Variants in FGR observed in about 807,000 individuals in gnomAD.
FGR encodes the protein tyrosine-protein kinase Fgr.
Under a neutral mutation model 63.2 loss-of-function variants are expected in FGR, and 26 were observed. The ratio of observed to expected loss-of-function variants is 0.41; its 90% CI spans 0.30 to 0.57. FGR has a LOEUF of 0.57. Ranked by LOEUF, FGR falls within the 20% of genes least tolerant of loss-of-function variation. The pLI is 0.27. For synonymous variants in FGR, 286 were observed against 277.7 expected (o/e 1.03, Z -0.30); for missense variants, 511 against 690.8 (o/e 0.74, Z 2.92).
At chr1:27,619,035 C>T (rs1033840533) in intron 5 of FGR, among the ~76,000 whole-genome samples, 2 of 152,202 alleles carry the variant, frequency 1.3e-5, no homozygotes, top group Admixed American at 6.5e-5. Flanking sequence ...TCCGCTCTCT[C>T]GGTTGTTCTG....
chr1:27,615,380 A>G lies in FGR; in HGVS notation c.1018+54T>C. ...CGCGTCCCAGGTCCCACGCCTGAAA[A>G]CTCCCCTCTTAACTTCACCCCGAAT... is the stretch of plus-strand genomic sequence containing the variant. On this transcript the variant is annotated intron_variant, in intron 9 of 12. Coordinates refer to ENST00000374005, the MANE Select transcript of FGR (RefSeq NM_005248.3). This position sits in a 1 kb window ranked among gnomAD's most constrained non-coding sequence, Gnocchi z 7.6. 1 of 1,548,786 alleles carries G rather than the reference A, an allele frequency of 6.5e-7. No homozygotes were observed. Among genetic ancestry groups the G allele is most frequent in the Admixed American group, 1.7e-5 (1 of 57,368 alleles).
intron 5 of FGR, among the ~76,000 whole-genome samples, chr1:27,618,131 A>G (rs2089848714): frequency 6.6e-6 from 1 of 152,156 alleles, no homozygotes; most frequent in South Asian, 2.1e-4. Context: ...GCCCCTGGGT[A>G]CTAGGCACAG....
chr1:27,614,757 G>A (rs953176545), intron 10 of FGR, 93 bp downstream of exon 10: 9 of 1,373,762 alleles, frequency 6.6e-6, no homozygotes, highest in Admixed American at 6.0e-5. Context: ...TGCAGGGGGC[G>A]GGGCCGCCCT....
At chr1:27,613,694 C>CAAAAAAA (rs56363244) in intron 11 of FGR, among the ~76,000 whole-genome samples, 2 of 74,238 alleles carry the variant, frequency 2.7e-5, no homozygotes, top group Non-Finnish European at 2.5e-5. Flanking sequence ...GACTCCATCT[C>CAAAAAAA]AAAAAAAAAA....
rs2090162062 is a variant in FGR at position 27,635,173 on chromosome 1, C to G, written c.-185G>C. ...GTGCTGCCCGCCTCTGACCGCCGCCCCTGCTGGGCAGGGAGGAGGAAGCCG... is the reference window on the plus strand; with the variant it reads ...GTGCTGCCCGCCTCTGACCGCCGCCGCTGCTGGGCAGGGAGGAGGAAGCCG... On this transcript the variant is annotated 5_prime_UTR_variant, in exon 1 of 13. Coordinates refer to ENST00000374005, the MANE Select transcript of FGR (RefSeq NM_005248.3). 6.6e-6 allele frequency: 1 copy of G among 152,322 alleles called. No individual in the cohort carries two copies. Among genetic ancestry groups the G allele is most frequent in the South Asian group, 2.1e-4 (1 of 4,840 alleles). 9.4% of individuals were successfully genotyped at this position (152,322 alleles called of 1,614,324 possible).
At chr1:27,619,433 C>T (rs1330009475) in intron 5 of FGR, among the ~76,000 whole-genome samples, 3 of 152,192 alleles carry the variant, frequency 2.0e-5, no homozygotes, top group South Asian at 2.1e-4. Flanking sequence ...TCATGTGATC[C>T]GCCCGCCTCG....
At chr1:27,623,555 C>T (rs761409431) in intron 3 of FGR, 136 bp downstream of exon 3, 4 of 878,096 alleles carry the variant, frequency 4.6e-6, no homozygotes, top group East Asian at 5.3e-5. Context: ...ACTCCCTCAG[C>T]CCATGTGATC....
At position 27,617,599 on chromosome 1, in the gene FGR, G is replaced by A. The variant is rs1468103597; in HGVS notation, c.429-303C>T. 6.6e-6 allele frequency among the ~76,000 whole-genome samples: 1 copy of A among 152,168 alleles called. No individual in the cohort carries two copies. The highest frequency in any genetic ancestry group is 2.4e-5 in the African/African-American group (1 of 41,422). On this transcript the variant is annotated intron_variant, in intron 5 of 12. Transcript: ENST00000374005. This position sits in a 1 kb window ranked among gnomAD's most constrained non-coding sequence, Gnocchi z 4.5. Reference sequence around the variant, plus strand: ...GTTCATCTCACTGTAGCCCTTCTGTGCACTCATTTTACAGATGAGGAAGTT... The same window carrying A: ...GTTCATCTCACTGTAGCCCTTCTGTACACTCATTTTACAGATGAGGAAGTT...
chr1:27,634,290 C>T lies in FGR; in HGVS notation c.-77+775G>A, dbSNP rs3737802. ...TCCCGGATCCAGCGGGGAGCGCGGG[C>T]CGAGACCGCCGCGGGCGCGGAGGGG... is the stretch of plus-strand genomic sequence containing the variant. On this transcript the variant is annotated intron_variant, in intron 1 of 12. Coordinates refer to ENST00000374005, the MANE Select transcript of FGR (RefSeq NM_005248.3). Among the ~76,000 whole-genome samples, 1,890 of 152,262 alleles carry T rather than the reference C, an allele frequency of 0.012. 291 individuals are homozygous for T. In the East Asian group the frequency reaches 0.31, roughly 25 times the overall value.
chr1:27,623,783 G>A lies in FGR; in HGVS notation c.134C>T (p.Ser45Phe), dbSNP rs1248374546. 6.2e-7 allele frequency: 1 copy of A among 1,614,232 alleles called. No homozygotes were observed. Among genetic ancestry groups the A allele is most frequent in the South Asian group, 1.1e-5 (1 of 91,090 alleles). Reference sequence around the variant, plus strand: ...GTAGTTGGGGATGTGGGCAAATGAGGATGCAGGCCGGGCCTTAGTGGGGTC... The same window carrying A: ...GTAGTTGGGGATGTGGGCAAATGAGAATGCAGGCCGGGCCTTAGTGGGGTC... ...GPDPTKARPA[S>F]SFAHIPNYSN... Residue 45 changes from serine to phenylalanine, a missense_variant, in exon 3 of 13, where the codon TCC becomes TTC. Coordinates refer to ENST00000374005, the MANE Select transcript of FGR (RefSeq NM_005248.3).
Position 27,615,848 on chromosome 1 carries a change from G to T in FGR, c.683-4C>A. The stretch of plus-strand genomic sequence containing the variant: ...TTGCACAGCCCGTCATTCACCTCTA[G>T]GGGAGGGGTCATGAAGTAGAGTCAC... On this transcript the variant is annotated splice_region_variant and splice_polypyrimidine_tract_variant and intron_variant, in intron 7 of 12. Transcript: ENST00000374005. This position sits in a 1 kb window ranked among gnomAD's most constrained non-coding sequence, Gnocchi z 7.6. 1.3e-6 allele frequency: 2 copies of T among 1,577,918 alleles called. No individual in the cohort carries two copies. Among genetic ancestry groups the T allele is most frequent in the East Asian group, 2.3e-5 (1 of 43,122 alleles).
intron 11 of FGR, 47 bp downstream of exon 11, chr1:27,614,383 C>T: frequency 4.4e-6 from 7 of 1,588,766 alleles, no homozygotes; most frequent in Non-Finnish European, 6.0e-6. Context: ...CCATGGAAGT[C>T]CCTTGTTGCA....
At chr1:27,618,355 G>A (rs1302825503) in intron 5 of FGR, among the ~76,000 whole-genome samples, 3 of 152,102 alleles carry the variant, frequency 2.0e-5, no homozygotes, top group Non-Finnish European at 4.4e-5. Context: ...CTTAATACAC[G>A]TATGTATTCA....
chr1:27,628,185 A>C (rs1360360898), intron 1 of FGR, among the ~76,000 whole-genome samples: 6 of 150,244 alleles, frequency 4.0e-5, no homozygotes, highest in Admixed American at 1.3e-4. Flanking sequence ...AAAAAAAAAA[A>C]CAAAAAAAAA....
chr1:27,619,849 C>T (rs1323723456), intron 5 of FGR, among the ~76,000 whole-genome samples: 2 of 152,224 alleles, frequency 1.3e-5, no homozygotes, highest in African/African-American at 4.8e-5. Context: ...AGACTTTGAG[C>T]CACCCTTGAT....
chr1:27,621,547 A>G lies in FGR; in HGVS notation c.428+12T>C, dbSNP rs753367673. On this transcript the variant is annotated intron_variant, in intron 5 of 12. Coordinates refer to ENST00000374005, the MANE Select transcript of FGR (RefSeq NM_005248.3). ...TGTCCATAGGGCTGGTCTTGCCCCA[A>G]TCCCTACTTACTCTTCAGCTTGGAT... 30 of 1,608,856 alleles carry G rather than the reference A, an allele frequency of 1.9e-5. No individual in the cohort carries two copies. In the East Asian group the frequency reaches 3.8e-4, roughly 20 times the overall value.
Position 27,614,927 on chromosome 1 carries a change from C to A in FGR, c.1019-1G>T. 1 of 1,595,462 alleles carries A rather than the reference C, an allele frequency of 6.3e-7. No homozygotes were observed. Among genetic ancestry groups the A allele is most frequent in the East Asian group, 2.3e-5 (1 of 44,298 alleles). On this transcript the variant is annotated splice_acceptor_variant, in intron 9 of 12. Coordinates refer to ENST00000374005, the MANE Select transcript of FGR (RefSeq NM_005248.3). LOFTEE classifies it high-confidence loss of function. ...TTCTTGAGAAAATCCAGCAAGCTGC[C>A]TGGGAAGAAGCCAGAAAGTCAGCGG...
rs1172193774 is a variant in FGR, at chr1:27,633,350, C to T, written c.-77+1715G>A. On this transcript the variant is annotated intron_variant, in intron 1 of 12. Coordinates refer to ENST00000374005, the MANE Select transcript of FGR (RefSeq NM_005248.3). Reference sequence around the variant, plus strand: ...CCTGCTCTCCCATCATCACCACAGTCGGAAGGATGCCAAGGACATCAGGGC... The same window carrying T: ...CCTGCTCTCCCATCATCACCACAGTTGGAAGGATGCCAAGGACATCAGGGC... 5.3e-5 allele frequency among the ~76,000 whole-genome samples: 8 copies of T among 152,184 alleles called. No homozygotes were observed. The East Asian group carries it at 5.8e-4, about 11-fold the overall frequency.
Position 27,614,555 on chromosome 1 carries a change from C to A in FGR, c.1124G>T (p.Arg375Leu), listed in dbSNP as rs879373811. The stretch of plus-strand genomic sequence containing the variant: ...CAGGTCGCGGTGAATGTAGTTCATG[C>A]GTTCCATGTAGGCCATGCCCTCAGC... The part of the protein sequence containing the change: ...QVAEGMAYME[R>L]MNYIHRDLRA... Residue 375 changes from arginine (R) to leucine (L), a missense_variant, in exon 11 of 13, where the codon CGC becomes CTC. Physicochemically the swap from Arg to Leu is moderately radical, Grantham distance 102 (BLOSUM62 -2). Transcript: ENST00000374005. 4 of 1,614,042 alleles carry A rather than the reference C, an allele frequency of 2.5e-6. No individual in the cohort carries two copies. Among genetic ancestry groups the A allele is most frequent in the Non-Finnish European group, 3.4e-6 (4 of 1,179,962 alleles).
Sources: gnomAD v4.1 joint callset for allele counts (sites outside exome capture counted in the v4.1 genomes callset) on GRCh38, gnomAD v4.1.1 for gene constraint, Gnocchi (gnomAD v3.1) non-coding constraint, MANE v1.5 for transcripts, NCBI Gene and HGNC (gene_info 2026-07-23, HGNC 2026-07-21) for gene names.